The following CC2D2A variants were observed in gnomAD, a reference collection of about 807,000 sequenced individuals.
CC2D2A encodes coiled-coil and C2 domain-containing protein 2A.
CC2D2A carries 155 observed loss-of-function variants against 212.9 expected under a neutral mutation model. That is an observed-to-expected ratio of 0.73 (90% CI 0.64 to 0.83). CC2D2A has a LOEUF of 0.83. CC2D2A is among the 40% of genes least tolerant of loss of function. The pLI, the probability that CC2D2A is intolerant of heterozygous loss-of-function variation, is 0.00. For missense variants in CC2D2A, 1,856 were observed against 1,956.2 expected, an observed-to-expected ratio of 0.95 and a Z score of 0.97; for synonymous variants, 667 against 686.5, an observed-to-expected ratio of 0.97 and a Z score of 0.44.
chr4:15,597,362 C>G (rs1560199804), intron 34 of CC2D2A, 45 bp from the exon 35 acceptor site: 2 of 1,318,318 alleles, frequency 1.5e-6, no homozygotes, highest in Non-Finnish European at 2.1e-6. Context: ...TTCAAATTAA[C>G]TGTAGGTGAT....
chr4:15,588,453 T>G (rs1268196241), intron 32 of CC2D2A, among the ~76,000 whole-genome samples: 1 of 152,162 alleles, frequency 6.6e-6, no homozygotes, highest in Non-Finnish European at 1.5e-5. Context: ...TTTATTAGAT[T>G]GGAGACTATT....
At chr4:15,593,328 A>G (rs1433835327) in intron 33 of CC2D2A, among the ~76,000 whole-genome samples, 2 of 152,214 alleles carry the variant, frequency 1.3e-5, no homozygotes, top group Non-Finnish European at 2.9e-5. Context: ...TTCCAAGTCA[A>G]GGCCTCCTAC....
At chr4:15,510,299 T>C (rs1193529743) in intron 7 of CC2D2A, 59 bp downstream of exon 7, 9 of 1,440,042 alleles carry the variant, frequency 6.2e-6, no homozygotes, top group Non-Finnish European at 7.8e-6. Context: ...AAATATCCAA[T>C]GACACATGAC....
intron 1 of CC2D2A, among the ~76,000 whole-genome samples, chr4:15,470,689 C>CTCTA (rs1713728306): frequency 2.4e-4 from 12 of 50,670 alleles, no homozygotes; most frequent in Non-Finnish European, 3.3e-4. Context: ...CTCTCTCTCT[C>CTCTA]TATATATATA....
At chr4:15,545,942 C>T (rs1237440088) in intron 17 of CC2D2A, among the ~76,000 whole-genome samples, 1 of 151,974 alleles carries the variant, frequency 6.6e-6, no homozygotes, top group Non-Finnish European at 1.5e-5. Flanking sequence ...GACCCCATCT[C>T]CACAAAAATT....
chr4:15,557,452 G>A lies in CC2D2A; in HGVS notation c.2774G>A (p.Arg925Gln), dbSNP rs200707391. 1.7e-4 allele frequency: 268 copies of A among 1,612,614 alleles called. No individual in the cohort carries two copies. In the African/African-American group the frequency reaches 2.0e-3, roughly 12 times the overall value. ...HLRSQEVPEFRNYKQVPVYDR... is the reference protein window; with the variant it reads ...HLRSQEVPEFQNYKQVPVYDR... ...AGAAGCCAAGAGGTGCCAGAATTCC[G>A]AAATTATAAGCAAGTTCCAGTCTAT... Residue 925 changes from arginine (R) to glutamine (Q), a missense_variant, in exon 21 of 37, where the codon CGA becomes CAA. Coordinates refer to ENST00000424120, the MANE Select transcript of CC2D2A (RefSeq NM_001378615.1).
chr4:15,563,001 T>C (rs1384735368), intron 23 of CC2D2A, among the ~76,000 whole-genome samples: 6 of 152,262 alleles, frequency 3.9e-5, no homozygotes, highest in Non-Finnish European at 5.9e-5. Context: ...ACAAGGAAGA[T>C]GCAGGGAGGC....
Position 15,563,474 on chromosome 4 carries a change from T to A in CC2D2A, c.3134T>A (p.Val1045Glu). 6.2e-7 allele frequency: 1 copy of A among 1,612,420 alleles called. No homozygotes were observed. The highest frequency in any genetic ancestry group is 1.1e-5 in the South Asian group (1 of 90,552). The change falls in exon 24 of 37, where the codon GTG becomes GAG. Residue 1045 changes from valine to glutamate, a missense_variant. Around this residue, in one of 5 missense-constraint regions of CC2D2A, gnomAD observed 1,512 missense variants for 1,579.3 expected, o/e 0.96. Coordinates refer to ENST00000424120, the MANE Select transcript of CC2D2A (RefSeq NM_001378615.1). Reference protein sequence around the residue: ...NLSDGDIKLLVNIVRAYDIPV... With the variant: ...NLSDGDIKLLENIVRAYDIPV... Reference sequence around the variant, plus strand: ...TCTGATGGAGACATAAAGCTGCTGGTGAACATTGTGCGAGCTTACGACATT... The same window carrying A: ...TCTGATGGAGACATAAAGCTGCTGGAGAACATTGTGCGAGCTTACGACATT...
chr4:15,583,474 A>G (rs2109086052), intron 30 of CC2D2A, among the ~76,000 whole-genome samples: 1 of 152,356 alleles, frequency 6.6e-6, no homozygotes, highest in Admixed American at 6.5e-5. Flanking sequence ...GAACTAATAA[A>G]TAAGTTTAGT....
intron 30 of CC2D2A, among the ~76,000 whole-genome samples, chr4:15,582,253 A>C (rs1373571055): frequency 1.3e-5 from 2 of 152,170 alleles, no homozygotes; most frequent in Non-Finnish European, 2.9e-5. Flanking sequence ...CATACAGTTA[A>C]ATATAAAGAG....
At position 15,528,720 on chromosome 4, in the gene CC2D2A, A is replaced by T. The variant is rs868723216; in HGVS notation, c.1460A>T (p.Glu487Val). ...IQKTINEYKS[E>V]IRQTRKFRDA... ...AAAACCATCAATGAGTATAAATCTG[A>T]AATTCGGTGAGTAAAGTTTGTTAAG... The change falls in exon 13 of 37, where the codon GAA (glutamate) becomes GTA (valine). Residue 487 changes from glutamate (E) to valine (V), a missense_variant. By Grantham distance (121) the Glu-to-Val change is moderately radical. This residue lies in a region of CC2D2A where 1,512 missense variants were observed against 1,579.3 expected (regional missense o/e 0.96). Transcript: ENST00000424120. 2 of 1,597,308 alleles carry T rather than the reference A, an allele frequency of 1.3e-6. No individual in the cohort carries two copies. The highest frequency in any genetic ancestry group is 1.7e-4 in the Middle Eastern group (1 of 6,002).
At chr4:15,541,889 G>C (rs1356620287) in intron 17 of CC2D2A, among the ~76,000 whole-genome samples, 2 of 152,116 alleles carry the variant, frequency 1.3e-5, no homozygotes, top group African/African-American at 4.8e-5. Context: ...TTTACTCACA[G>C]TTCTGGAGGC....
intron 27 of CC2D2A, 137 bp from the exon 28 acceptor site, chr4:15,570,261 G>A: frequency 1.9e-6 from 1 of 513,810 alleles, no homozygotes; most frequent in Non-Finnish European, 3.5e-6. Flanking sequence ...TTATGTATCT[G>A]TACCAGAATT....
chr4:15,574,254 T>G lies in CC2D2A; in HGVS notation c.3699T>G (p.Ser1233Arg). Residue 1233 changes from serine to arginine, a missense_variant, in exon 29 of 37, where the codon AGT (serine) becomes AGG (arginine). Physicochemically the swap from Ser to Arg is moderately radical, Grantham distance 110. Around this residue, in one of 5 missense-constraint regions of CC2D2A, gnomAD observed 1,512 missense variants for 1,579.3 expected, o/e 0.96. Transcript: ENST00000424120. ...GTTTTGATTCTGTCCGAAGCTTAAG[T>G]GAAGGCTCCTACATTACCCTCTTTA... ...ERGFDSVRSL[S>R]EGSYITLFIT... 6.4e-7 allele frequency: 1 copy of G among 1,551,628 alleles called. No individual in the cohort carries two copies. Among genetic ancestry groups the G allele is most frequent in the Non-Finnish European group, 8.7e-7 (1 of 1,146,928 alleles).
chr4:15,547,821 C>T (rs972564792), intron 17 of CC2D2A, among the ~76,000 whole-genome samples: 3 of 152,106 alleles, frequency 2.0e-5, no homozygotes, highest in African/African-American at 7.2e-5. Context: ...GGGTGGATCA[C>T]CTGAGGTTGG....
chr4:15,558,367 C>T (rs1457912159), intron 21 of CC2D2A, among the ~76,000 whole-genome samples: 1 of 152,040 alleles, frequency 6.6e-6, no homozygotes, highest in African/African-American at 2.4e-5. Context: ...ACCTTAGGCA[C>T]CAAGGGGAGT....
chr4:15,544,544 G>A (rs1293040438), intron 17 of CC2D2A, among the ~76,000 whole-genome samples: 2 of 152,162 alleles, frequency 1.3e-5, no homozygotes, highest in African/African-American at 2.4e-5. Context: ...AGAAAGACAG[G>A]AGAGAAGGCA....
intron 11 of CC2D2A, among the ~76,000 whole-genome samples, chr4:15,521,956 T>C: frequency 6.6e-6 from 1 of 152,188 alleles, no homozygotes; most frequent in Admixed American, 6.5e-5. Context: ...CCCAAAGCTT[T>C]GTGAGGCTAA....
intron 30 of CC2D2A, among the ~76,000 whole-genome samples, chr4:15,585,003 G>A (rs184619494): frequency 6.6e-5 from 10 of 152,256 alleles, no homozygotes; most frequent in Admixed American, 2.6e-4. Context: ...ACAAATGCTG[G>A]CAAGGGTCTG....
Sources: allele counts gnomAD v4.1 joint callset (sites outside exome capture counted in the v4.1 genomes callset), GRCh38; gene constraint gnomAD v4.1.1; regional missense constraint gnomAD v4.1.1; transcripts MANE v1.5; gene names NCBI Gene and HGNC (gene_info 2026-07-23, HGNC 2026-07-21).